DYNC1I1: variants seen among roughly 807,000 people sequenced by gnomAD.
The protein encoded by DYNC1I1 is cytoplasmic dynein 1 intermediate chain 1.
A neutral mutation model predicts 86.6 loss-of-function variants in DYNC1I1; 43 were observed. That is an observed-to-expected ratio of 0.50 (90% CI 0.39 to 0.64). The LOEUF (loss-of-function observed/expected upper bound fraction) is 0.64, where lower values mean the gene tolerates loss of function less well. DYNC1I1 is among the 30% of genes least tolerant of loss of function. The probability of loss-of-function intolerance (pLI) is 0.00; values close to 1 mark genes in which losing one functional copy is unlikely to be tolerated. For synonymous variants in DYNC1I1, 262 were observed against 283.7 expected (o/e 0.92, Z 0.77); for missense variants, 604 against 788.8 (o/e 0.77, Z 2.81).
chr7:95,856,673 C>A (rs973653337), intron 5 of DYNC1I1, among the ~76,000 whole-genome samples: 28 of 152,140 alleles, frequency 1.8e-4, no homozygotes, highest in Non-Finnish European at 1.5e-5. Flanking sequence ...CATCCTAATT[C>A]CAACCCAGGT....
intron 6 of DYNC1I1, 47 bp downstream of exon 6, chr7:95,870,045 C>T (rs557109521): frequency 7.3e-6 from 11 of 1,503,722 alleles, no homozygotes; most frequent in South Asian, 6.0e-5. Flanking sequence ...CTGGAGAAAT[C>T]GCTGGGAAGT....
At chr7:96,056,059 CTACAT>C (rs1402400917) in intron 14 of DYNC1I1, 1 of 152,168 alleles carries the variant, frequency 6.6e-6, no homozygotes, top group African/African-American at 2.4e-5. Context: ...CCAGACCCAA[CTACAT>C]TAAGGGATTT....
At chr7:95,790,741 C>CA (rs1231936350) in intron 1 of DYNC1I1, among the ~76,000 whole-genome samples, 2 of 152,166 alleles carry the variant, frequency 1.3e-5, no homozygotes, top group Admixed American at 6.6e-5. Context: ...AGAGAAGATG[C>CA]AAAAAAACAC....
At chr7:96,090,909 A>G (rs1790820824) in intron 16 of DYNC1I1, among the ~76,000 whole-genome samples, 1 of 152,118 alleles carries the variant, frequency 6.6e-6, no homozygotes. Context: ...CCGTGGTTTC[A>G]TCCATTGTTA....
chr7:95,862,243 C>T (rs1474333929), intron 5 of DYNC1I1, among the ~76,000 whole-genome samples: 7 of 151,240 alleles, frequency 4.6e-5, no homozygotes, highest in Non-Finnish European at 8.8e-5. Flanking sequence ...CAAAATAAAC[C>T]ATAAAGAAAG....
intron 11 of DYNC1I1, among the ~76,000 whole-genome samples, chr7:96,031,533 G>A (rs981070585): frequency 2.0e-5 from 3 of 152,150 alleles, no homozygotes; most frequent in South Asian, 2.1e-4. Flanking sequence ...TAAGGAAGGT[G>A]TTTAAGCAGA....
chr7:96,105,740 G>T (rs1171611243), intron 16 of DYNC1I1, among the ~76,000 whole-genome samples: 4 of 152,120 alleles, frequency 2.6e-5, no homozygotes, highest in African/African-American at 9.7e-5. Context: ...TTAAATGTTT[G>T]ATAGAATTTA....
chr7:95,797,021 A>T (rs963760328), intron 1 of DYNC1I1, among the ~76,000 whole-genome samples: 8 of 152,118 alleles, frequency 5.3e-5, no homozygotes, highest in Non-Finnish European at 1.2e-4. Flanking sequence ...CACAGTTTTT[A>T]AAAAAATAAC....
At chr7:95,911,729 G>A (rs565939408) in intron 6 of DYNC1I1, among the ~76,000 whole-genome samples, 10 of 152,338 alleles carry the variant, frequency 6.6e-5, no homozygotes, top group African/African-American at 2.4e-4. Context: ...CAGGTCTGAA[G>A]TCAGGTCTGT....
chr7:96,035,335 T>C (rs1310191087), intron 12 of DYNC1I1, among the ~76,000 whole-genome samples: 4 of 152,218 alleles, frequency 2.6e-5, no homozygotes, highest in African/African-American at 7.2e-5. Context: ...GTAACCATTA[T>C]TATCTTTAGT....
chr7:96,076,291 T>C (rs1387246500), intron 15 of DYNC1I1, 94 bp downstream of exon 15: 6 of 1,519,554 alleles, frequency 3.9e-6, no homozygotes, highest in Non-Finnish European at 2.7e-6. Flanking sequence ...AACGGCCTTT[T>C]TTGGACAGAC....
intron 6 of DYNC1I1, among the ~76,000 whole-genome samples, chr7:95,933,714 T>TA: frequency 6.6e-6 from 1 of 152,092 alleles, no homozygotes; most frequent in Non-Finnish European, 1.5e-5. Flanking sequence ...CACATTTTTT[T>TA]TAAAAAAAAC....
intron 5 of DYNC1I1, among the ~76,000 whole-genome samples, chr7:95,847,502 A>T (rs1454824411): frequency 2.0e-5 from 3 of 152,130 alleles, no homozygotes; most frequent in Non-Finnish European, 4.4e-5. Context: ...AAGGGTTTAG[A>T]CTATATTTTT....
chr7:95,876,934 A>G (rs1410737148), intron 6 of DYNC1I1, among the ~76,000 whole-genome samples: 1 of 152,216 alleles, frequency 6.6e-6, no homozygotes, highest in Non-Finnish European at 1.5e-5. Context: ...CTAATAGCAT[A>G]TAGCAAGTAA....
chr7:96,031,930 A>G (rs1438985647), intron 11 of DYNC1I1, among the ~76,000 whole-genome samples: 1 of 152,186 alleles, frequency 6.6e-6, no homozygotes, highest in African/African-American at 2.4e-5. Context: ...ATAACCCACT[A>G]GAGTATGACA....
intron 5 of DYNC1I1, among the ~76,000 whole-genome samples, chr7:95,848,421 C>G (rs1464472773): frequency 6.6e-6 from 1 of 152,080 alleles, no homozygotes; most frequent in African/African-American, 2.4e-5. Context: ...GATAACCTTA[C>G]CTTCCTACTG....
intron 14 of DYNC1I1, among the ~76,000 whole-genome samples, chr7:96,072,446 T>C (rs1790198379): frequency 6.6e-6 from 1 of 152,126 alleles, no homozygotes; most frequent in South Asian, 2.1e-4. Flanking sequence ...TCTAGTGAAA[T>C]TTGATTGTTT....
intron 6 of DYNC1I1, among the ~76,000 whole-genome samples, chr7:95,930,471 G>A (rs1182370882): frequency 4.6e-5 from 7 of 152,186 alleles, no homozygotes; most frequent in African/African-American, 1.7e-4. Context: ...TCTATGTACT[G>A]TCCACCGCAG....
rs546590380 is a variant in DYNC1I1, at chr7:95,890,553, TA to T, written c.490+20561del. Among the ~76,000 whole-genome samples the T allele has an allele frequency of 5.3e-4, 80 of 152,234 alleles. No homozygotes were observed. In the South Asian group the frequency reaches 7.7e-3, roughly 15 times the overall value. ...CCCCTGTGACACAAATTTACCCATA[TA>T]AAAAACCTTCAGATGCACCACTGTA... On this transcript the variant is annotated intron_variant, in intron 6 of 16. Coordinates refer to ENST00000447467, the MANE Select transcript of DYNC1I1 (RefSeq NM_001135556.2).
Sources: gnomAD v4.1 joint callset for allele counts (sites outside exome capture counted in the v4.1 genomes callset) on GRCh38, gnomAD v4.1.1 for gene constraint, MANE v1.5 for transcripts, NCBI Gene and HGNC (gene_info 2026-07-23, HGNC 2026-07-21) for gene names.